Variants in ADAT3 observed in about 807,000 individuals in gnomAD.
ADAT3 encodes the protein adenosine deaminase tRNA specific 3, also known as tRNA-specific adenosine-34 deaminase regulatory subunit ADAT3.
ADAT3 carries 2 observed loss-of-function variants against 3.5 expected under a neutral mutation model. The ratio of observed to expected loss-of-function variants is 0.57; its 90% CI spans 0.23 to 1.79. The LOEUF is 1.79. Among genes scored for constraint, ADAT3 ranks in the 40% most tolerant of loss-of-function variants. The pLI, the probability that ADAT3 is intolerant of heterozygous loss-of-function variation, is 0.18. For missense variants in ADAT3, 735 were observed against 571.4 expected, an observed-to-expected ratio of 1.29 and a Z score of -2.92; for synonymous variants, 358 against 270.3, an observed-to-expected ratio of 1.32 and a Z score of -3.18.
In ADAT3 at chr19:1,911,998, C is replaced by A. The variant is rs1008816926; in HGVS notation, c.-50C>A. On this transcript the variant is annotated 5_prime_UTR_variant, in exon 2 of 2. Coordinates refer to ENST00000329478, the MANE Select transcript of ADAT3 (RefSeq NM_138422.4). ...CACGCCCTGCCTTGTGGAGCCACGG[C>A]CTCCCGGGACGGACTCCCCGGCTCT... The A allele has an allele frequency of 1.4e-6, 2 of 1,413,408 alleles. No homozygotes were observed. The highest frequency in any genetic ancestry group is 1.5e-5 in the South Asian group (1 of 64,868). The allele number at this position is 1,413,408 out of a possible 1,614,324, so 87.6% of individuals were successfully genotyped here. A position where few individuals can be genotyped will look rare whatever the true frequency, so the allele number is the denominator to read the frequency against.
rs569302688 is a variant in ADAT3 at position 1,908,125 on chromosome 19, G to A, written c.-159+2686G>A. 15 of 231,914 alleles carry A rather than the reference G, an allele frequency of 6.5e-5. No individual in the cohort carries two copies. The highest frequency in any genetic ancestry group is 1.9e-4 in the African/African-American group (8 of 42,252). The allele number at this position is 231,914 out of a possible 1,614,324, so 14.4% of individuals were successfully genotyped here. A position where few individuals can be genotyped will look rare whatever the true frequency, so the allele number is the denominator to read the frequency against. The stretch of plus-strand genomic sequence containing the variant: ...TGTTTGTGGCCTAGCAGGGCCGTGC[G>A]GGCCTCTCGGTCCTGGTCGCGCGTG... On this transcript the variant is annotated intron_variant, in intron 1 of 1. Coordinates refer to ENST00000329478, the MANE Select transcript of ADAT3 (RefSeq NM_138422.4). This position sits in a 1 kb window ranked among gnomAD's most constrained non-coding sequence, Gnocchi z 4.2.
rs1199681822 is a variant in ADAT3, at chr19:1,912,557, G to A, written c.510G>A (p.Lys170=). ...AHWPTSFHED[K]QVTSALAGRL... is the part of the protein sequence containing the mutation. The stretch of plus-strand genomic sequence containing the variant: ...GGCCCACGTCCTTCCACGAGGACAA[G>A]CAGGTGACCAGCGCCCTGGCTGGGC... Residue 170 remains lysine, a synonymous_variant, in exon 2 of 2, where the codon AAG becomes AAA. Transcript: ENST00000329478. 1.3e-6 allele frequency: 2 copies of A among 1,500,044 alleles called. No individual in the cohort carries two copies. The highest frequency in any genetic ancestry group is 1.8e-6 in the Non-Finnish European group (2 of 1,131,636). The allele number at this position is 1,500,044 out of a possible 1,614,324, so 92.9% of individuals were successfully genotyped here. A position where few individuals can be genotyped will look rare whatever the true frequency, so the allele number is the denominator to read the frequency against.
At chr19:1,906,031 C>G (rs992805292) in intron 1 of ADAT3, 4 of 152,226 alleles carry the variant, frequency 2.6e-5, no homozygotes, top group African/African-American at 4.8e-5. Flanking sequence ...AGAAGGCCTC[C>G]TTGTAGGGTG....
intron 1 of ADAT3, among the ~76,000 whole-genome samples, chr19:1,909,171 C>G (rs1264958472): frequency 6.7e-6 from 1 of 149,384 alleles, no homozygotes; most frequent in African/African-American, 2.5e-5. Flanking sequence ...GCCTGCGGTG[C>G]GAGTCTGTGG....
chr19:1,907,216 G>T (rs1013386577), intron 1 of ADAT3: 1 of 151,434 alleles, frequency 6.6e-6, no homozygotes, highest in Non-Finnish European at 1.5e-5. Context: ...CAGACTATTG[G>T]TGTGCCCTGG....
chr19:1,907,910 ACAGT>A (rs2013221158), intron 1 of ADAT3: 1 of 152,562 alleles, frequency 6.6e-6, no homozygotes, highest in Non-Finnish European at 1.5e-5. Context: ...CTGGCCTGGG[ACAGT>A]CAATCAGCCT....
Position 1,912,709 on chromosome 19 carries a change from A to G in ADAT3, c.662A>G (p.Asp221Gly), listed in dbSNP as rs1278649167. The G allele has an allele frequency of 1.3e-6, 2 of 1,507,258 alleles. No homozygotes were observed. The highest frequency in any genetic ancestry group is 1.8e-6 in the Non-Finnish European group (2 of 1,135,488). The allele number at this position is 1,507,258 out of a possible 1,614,324, so 93.4% of individuals were successfully genotyped here. Reference protein sequence around the residue: ...VGAVVVDPASDRVLATGHDCS... With the variant: ...VGAVVVDPASGRVLATGHDCS... The stretch of plus-strand genomic sequence containing the variant: ...GCCGTGGTAGTGGACCCGGCCTCGG[A>G]CCGCGTGCTGGCCACCGGCCACGAC... Residue 221 changes from aspartate to glycine, a missense_variant, in exon 2 of 2, where the codon GAC becomes GGC. Coordinates refer to ENST00000329478, the MANE Select transcript of ADAT3 (RefSeq NM_138422.4).
chr19:1,912,509 G>A lies in ADAT3; in HGVS notation c.462G>A (p.Gln154=). The change falls in exon 2 of 2, where the codon CAG becomes CAA. Residue 154 remains glutamine, a synonymous_variant. Coordinates refer to ENST00000329478, the MANE Select transcript of ADAT3 (RefSeq NM_138422.4). ...CCCGGCCGCCTCTGACCAGGGGCCA[G>A]TTCGAGGAGGCCCGGGCCCACTGGC... ...VPARPPLTRG[Q]FEEARAHWPT... The A allele has an allele frequency of 1.3e-6, 2 of 1,495,436 alleles. No individual in the cohort carries two copies. Among genetic ancestry groups the A allele is most frequent in the Non-Finnish European group, 1.8e-6 (2 of 1,130,128 alleles). 92.6% of individuals were successfully genotyped at this position (1,495,436 alleles called of 1,614,324 possible).
At position 1,908,226 on chromosome 19, in the gene ADAT3, A is replaced by G. The variant is rs964308986; in HGVS notation, c.-159+2787A>G. The G allele has an allele frequency of 3.5e-6, 1 of 282,540 alleles. No individual in the cohort carries two copies. The highest frequency in any genetic ancestry group is 7.0e-6 in the Non-Finnish European group (1 of 142,904). 17.5% of individuals were successfully genotyped at this position (282,540 alleles called of 1,614,324 possible). A position where few individuals can be genotyped will look rare whatever the true frequency, so the allele number is the denominator to read the frequency against. On this transcript the variant is annotated intron_variant, in intron 1 of 1. Transcript: ENST00000329478. The surrounding 1 kb of genome is among the most constrained non-coding windows in gnomAD (Gnocchi z 4.2). ...GCACGGGGCCTCGGGCAGCGGCAGC[A>G]CCTGGCGCTGCCTCCGCGCTTCCTG...
intron 1 of ADAT3, among the ~76,000 whole-genome samples, chr19:1,911,607 C>G (rs1267646591): frequency 1.3e-5 from 2 of 152,118 alleles, no homozygotes; most frequent in Admixed American, 6.6e-5. Flanking sequence ...GTGGTGAAAT[C>G]CCATCTCTAC....
At chr19:1,907,344 G>A (rs1247513034) in intron 1 of ADAT3, among the ~76,000 whole-genome samples, 1 of 149,620 alleles carries the variant, frequency 6.7e-6, no homozygotes, top group Non-Finnish European at 1.5e-5. Context: ...AGATGGTCAG[G>A]CCCCTCCATC....
rs371260833 is a variant in ADAT3 at position 1,912,764 on chromosome 19, C to T, written c.717C>T (p.His239=). Residue 239 remains histidine, a synonymous_variant, in exon 2 of 2, where the codon CAC becomes CAT. Transcript: ENST00000329478. Reference sequence around the variant, plus strand: ...GCTGCGCGGACAACCCCCTCCTGCACGCCGTCATGGTGTGCGTGGACCTCG... The same window carrying T: ...GCTGCGCGGACAACCCCCTCCTGCATGCCGTCATGGTGTGCGTGGACCTCG... ...DCSCADNPLL[H]AVMVCVDLVA... 3 of 1,557,950 alleles carry T rather than the reference C, an allele frequency of 1.9e-6. No homozygotes were observed. Among genetic ancestry groups the T allele is most frequent in the East Asian group, 2.4e-5 (1 of 41,670 alleles).
chr19:1,912,942 G>A lies in ADAT3; in HGVS notation c.895G>A (p.Asp299Asn). The change falls in exon 2 of 2, where the codon GAC becomes AAC. Residue 299 changes from aspartate to asparagine, a missense_variant. Transcript: ENST00000329478. ...CCTCCCCTACCTGTGCACTGGCTAC[G>A]ACCTGTACGTGACCCGCGAGCCCTG... The part of the protein sequence containing the change: ...DGLPYLCTGY[D>N]LYVTREPCAM... 2 of 1,610,346 alleles carry A rather than the reference G, an allele frequency of 1.2e-6. No individual in the cohort carries two copies. Among genetic ancestry groups the A allele is most frequent in the African/African-American group, 1.3e-5 (1 of 75,018 alleles).
In ADAT3 at chr19:1,913,231, C is replaced by T; in HGVS notation, c.*80C>T. 6.9e-7 allele frequency: 1 copy of T among 1,447,826 alleles called. No homozygotes were observed. The highest frequency in any genetic ancestry group is 2.5e-5 in the East Asian group (1 of 39,668). 89.7% of individuals were successfully genotyped at this position (1,447,826 alleles called of 1,614,324 possible). Reference sequence around the variant, plus strand: ...CTGGACTTCCGGGCCTCGATTTCTTCCGCACAAGCCTGACCGTGGATTTCA... The same window carrying T: ...CTGGACTTCCGGGCCTCGATTTCTTTCGCACAAGCCTGACCGTGGATTTCA... On this transcript the variant is annotated 3_prime_UTR_variant, in exon 2 of 2. Coordinates refer to ENST00000329478, the MANE Select transcript of ADAT3 (RefSeq NM_138422.4).
In ADAT3 at chr19:1,912,620, C is replaced by A; in HGVS notation, c.573C>A (p.Ser191Arg). ...CGCAGGAGCGCGCCGCCATGCAGAG[C>A]CACATGGAGCGGGCGGTGTGGGCGG... is the stretch of plus-strand genomic sequence containing the variant. ...FSTQERAAMQ[S>R]HMERAVWAAR... Residue 191 changes from serine to arginine, a missense_variant, in exon 2 of 2, where the codon AGC (serine) becomes AGA (arginine). By Grantham distance (110) the Ser-to-Arg change is moderately radical. Coordinates refer to ENST00000329478, the MANE Select transcript of ADAT3 (RefSeq NM_138422.4). The A allele has an allele frequency of 6.8e-7, 1 of 1,464,742 alleles. No individual in the cohort carries two copies. Among genetic ancestry groups the A allele is most frequent in the Non-Finnish European group, 9.0e-7 (1 of 1,115,580 alleles). 90.7% of individuals were successfully genotyped at this position (1,464,742 alleles called of 1,614,324 possible). A position where few individuals can be genotyped will look rare whatever the true frequency, so the allele number is the denominator to read the frequency against.
At position 1,912,125 on chromosome 19, in the gene ADAT3, G is replaced by T. The variant is rs2013487317; in HGVS notation, c.78G>T (p.Gln26His). The T allele has an allele frequency of 1.9e-6, 3 of 1,550,892 alleles. No homozygotes were observed. The change falls in exon 2 of 2, where the codon CAG (glutamine) becomes CAT (histidine). Residue 26 changes from glutamine (Q) to histidine (H), a missense_variant. Coordinates refer to ENST00000329478, the MANE Select transcript of ADAT3 (RefSeq NM_138422.4). ...RMEPAPGLVE[Q>H]PKCLEAGSPE... is the part of the protein sequence containing the mutation. ...AGCCCGCCCCGGGCCTCGTGGAGCA[G>T]CCCAAGTGCTTGGAGGCCGGGAGCC...
At chr19:1,910,810 C>T (rs2013403416) in intron 1 of ADAT3, among the ~76,000 whole-genome samples, 1 of 151,526 alleles carries the variant, frequency 6.6e-6, no homozygotes, top group South Asian at 2.1e-4. Flanking sequence ...CTCGTGGCCT[C>T]ATGATCTGCC....
rs766628438 is a variant in ADAT3, at chr19:1,912,187, T to A, written c.140T>A (p.Val47Asp). 1.3e-5 allele frequency: 20 copies of A among 1,582,552 alleles called. No individual in the cohort carries two copies. Among genetic ancestry groups the A allele is most frequent in the Non-Finnish European group, 1.7e-5 (20 of 1,168,452 alleles). Residue 47 changes from valine (V) to aspartate (D), a missense_variant, in exon 2 of 2, where the codon GTC becomes GAC. By Grantham distance (152) the Val-to-Asp change is radical. Transcript: ENST00000329478. Reference sequence around the variant, plus strand: ...CCGGCGCCGTGGCAGGCCCTCCCTGTCCTGTCCGAGAAGCAGTCAGGGGAC... The same window carrying A: ...CCGGCGCCGTGGCAGGCCCTCCCTGACCTGTCCGAGAAGCAGTCAGGGGAC... ...PEPAPWQALP[V>D]LSEKQSGDVE...
At chr19:1,909,440 C>A (rs1471580105) in intron 1 of ADAT3, among the ~76,000 whole-genome samples, 1 of 152,100 alleles carries the variant, frequency 6.6e-6, no homozygotes, top group Non-Finnish European at 1.5e-5. Context: ...GCCCTACTGC[C>A]TCATGTCCAC....
Sources: allele counts gnomAD v4.1 joint callset (sites outside exome capture counted in the v4.1 genomes callset), GRCh38; gene constraint gnomAD v4.1.1; non-coding constraint Gnocchi (gnomAD v3.1); transcripts MANE v1.5; gene names NCBI Gene and HGNC (gene_info 2026-07-23, HGNC 2026-07-21).